The following CADM2 variants were observed in gnomAD, a reference collection of about 807,000 sequenced individuals.
CADM2 encodes the protein cell adhesion molecule 2.
A neutral mutation model predicts 49.8 loss-of-function variants in CADM2; 12 were observed. That is an observed-to-expected ratio of 0.24 (90% CI 0.15 to 0.39). The LOEUF is 0.39. CADM2 is among the 10% of genes least tolerant of loss of function. CADM2 has a pLI of 1.00. For missense variants in CADM2, 378 were observed against 492.3 expected (o/e 0.77, Z 2.20); for synonymous variants, 214 against 175.4 (o/e 1.22, Z -1.74).
At chr3:85,777,860 C>G (rs905770705) in intron 2 of CADM2, among the ~76,000 whole-genome samples, 4 of 152,156 alleles carry the variant, frequency 2.6e-5, no homozygotes, top group African/African-American at 9.7e-5. Flanking sequence ...AAATAATGAA[C>G]AATTTTCGTG....
At chr3:85,364,857 T>C (rs2032629278) in intron 1 of CADM2, among the ~76,000 whole-genome samples, 1 of 146,778 alleles carries the variant, frequency 6.8e-6, no homozygotes, top group Non-Finnish European at 1.5e-5. Flanking sequence ...CTGGATCATA[T>C]GCTTGTTCCT....
intron 1 of CADM2, among the ~76,000 whole-genome samples, chr3:85,070,406 C>T (rs2036686213): frequency 6.6e-6 from 1 of 152,124 alleles, no homozygotes; most frequent in African/African-American, 2.4e-5. Context: ...AGACTAGATT[C>T]CTCTCCTCTA....
chr3:85,950,437 G>T (rs1211577474), intron 7 of CADM2, among the ~76,000 whole-genome samples: 1 of 150,906 alleles, frequency 6.6e-6, no homozygotes, highest in East Asian at 2.0e-4. Flanking sequence ...TTTATTTGTT[G>T]TGCCATAAAT....
chr3:85,855,392 C>A (rs2108303740), intron 3 of CADM2, among the ~76,000 whole-genome samples: 1 of 151,998 alleles, frequency 6.6e-6, no homozygotes, highest in South Asian at 2.1e-4. Context: ...CTGCTCTTCC[C>A]TTGTTAATTA....
At chr3:84,966,056 G>A (rs1302415136) in intron 1 of CADM2, among the ~76,000 whole-genome samples, 1 of 152,130 alleles carries the variant, frequency 6.6e-6, no homozygotes, top group Non-Finnish European at 1.5e-5. Context: ...ACAAAAAACT[G>A]AACATGTTAT....
At chr3:85,773,488 C>T (rs1001988686) in intron 2 of CADM2, among the ~76,000 whole-genome samples, 3 of 152,032 alleles carry the variant, frequency 2.0e-5, no homozygotes, top group African/African-American at 7.2e-5. Flanking sequence ...TTTCAGATGA[C>T]AGAAATGGCC....
intron 2 of CADM2, among the ~76,000 whole-genome samples, chr3:85,790,217 A>G (rs2108027308): frequency 6.6e-6 from 1 of 152,334 alleles, no homozygotes; most frequent in Admixed American, 6.5e-5. Flanking sequence ...GGGGAAGACA[A>G]TGATGTTATG....
At chr3:85,678,335 C>A (rs922633152) in intron 1 of CADM2, among the ~76,000 whole-genome samples, 3 of 152,168 alleles carry the variant, frequency 2.0e-5, no homozygotes, top group Non-Finnish European at 4.4e-5. Flanking sequence ...TAGTACCAGA[C>A]TTCATCCACT....
intron 1 of CADM2, among the ~76,000 whole-genome samples, chr3:85,045,683 G>A (rs1480125541): frequency 1.3e-5 from 2 of 151,854 alleles, no homozygotes; most frequent in African/African-American, 2.4e-5. Context: ...ATCAAATAAA[G>A]GTGGGAAACA....
At chr3:85,592,869 G>A (rs577553443) in intron 1 of CADM2, among the ~76,000 whole-genome samples, 4 of 151,776 alleles carry the variant, frequency 2.6e-5, no homozygotes, top group South Asian at 2.1e-4. Flanking sequence ...CCCAACCTCC[G>A]ACAGGCCCCA....
intron 1 of CADM2, among the ~76,000 whole-genome samples, chr3:85,528,967 A>G (rs936087293): frequency 2.0e-5 from 3 of 152,222 alleles, no homozygotes; most frequent in Admixed American, 2.0e-4. Flanking sequence ...TAGCTTTATT[A>G]AACAATTTTT....
chr3:85,383,510 ATATATG>A (rs1218413858), intron 1 of CADM2, among the ~76,000 whole-genome samples: 738 of 5,026 alleles, frequency 0.15, 10 homozygotes, highest in African/African-American at 0.21. Flanking sequence ...AACCATATAT[ATATATG>A]TATATATATA....
At chr3:85,121,346 A>G (rs149223837) in intron 1 of CADM2, among the ~76,000 whole-genome samples, 3 of 152,332 alleles carry the variant, frequency 2.0e-5, no homozygotes, top group Admixed American at 1.3e-4. Flanking sequence ...TGTCTGTGGG[A>G]AAAACAGGAA....
intron 1 of CADM2, among the ~76,000 whole-genome samples, chr3:85,471,783 T>C (rs1326194421): frequency 2.0e-5 from 3 of 150,972 alleles, no homozygotes; most frequent in Non-Finnish European, 4.4e-5. Flanking sequence ...AGACAAAATA[T>C]CACTGACAGT....
intron 1 of CADM2, among the ~76,000 whole-genome samples, chr3:85,469,537 G>A (rs111232581): frequency 1.1e-3 from 169 of 152,204 alleles, no homozygotes; most frequent in African/African-American, 3.9e-3. Context: ...ATTTATTTGG[G>A]GGATCAGTCA....
chr3:85,629,612 A>G (rs1197968574), intron 1 of CADM2, among the ~76,000 whole-genome samples: 3 of 151,996 alleles, frequency 2.0e-5, no homozygotes, highest in Non-Finnish European at 4.4e-5. Context: ...CATGTATACT[A>G]TTATTTAGTC....
intron 1 of CADM2, among the ~76,000 whole-genome samples, chr3:85,103,534 A>C (rs889726030): frequency 1.3e-5 from 2 of 152,186 alleles, no homozygotes; most frequent in African/African-American, 4.8e-5. Context: ...AAATAAGAAA[A>C]ACTTACACTG....
chr3:85,593,495 G>C (rs1050436934), intron 1 of CADM2, among the ~76,000 whole-genome samples: 1 of 151,980 alleles, frequency 6.6e-6, no homozygotes, highest in Non-Finnish European at 1.5e-5. Flanking sequence ...CTTTGTGAGA[G>C]ATTTCTATCG....
At chr3:85,565,303 A>C (rs2062225767) in intron 1 of CADM2, among the ~76,000 whole-genome samples, 1 of 152,098 alleles carries the variant, frequency 6.6e-6, no homozygotes, top group Admixed American at 6.6e-5. Context: ...AAGGTTTTAG[A>C]GTATTTTAAG....
Sources: allele counts gnomAD v4.1 joint callset (sites outside exome capture counted in the v4.1 genomes callset), GRCh38; gene constraint gnomAD v4.1.1; transcripts MANE v1.5; gene names NCBI Gene and HGNC (gene_info 2026-07-23, HGNC 2026-07-21).